Variants in AGK observed in about 807,000 individuals in gnomAD.
The protein encoded by AGK is acylglycerol kinase.
A neutral mutation model predicts 66.4 loss-of-function variants in AGK; 52 were observed. The observed-to-expected ratio is 0.78, with a 90% CI of 0.63 to 0.99. The LOEUF (loss-of-function observed/expected upper bound fraction) is 0.99. AGK is among the 50% of genes least tolerant of loss of function. The pLI is 0.00. For missense variants in AGK, 451 were observed against 506.6 expected, an observed-to-expected ratio of 0.89 and a Z score of 1.05; for synonymous variants, 182 against 181.1, an observed-to-expected ratio of 1.00 and a Z score of -0.04.
At position 141,653,189 on chromosome 7, in the gene AGK, G is replaced by A. The variant is rs886062022; in HGVS notation, c.*265G>A. 11 of 395,684 alleles carry A rather than the reference G, an allele frequency of 2.8e-5. No individual in the cohort carries two copies. The highest frequency in any genetic ancestry group is 1.4e-3 in the Middle Eastern group (2 of 1,452). The allele number at this position is 395,684 out of a possible 1,614,324, so 24.5% of individuals were successfully genotyped here. A position where few individuals can be genotyped will look rare whatever the true frequency, so the allele number is the denominator to read the frequency against. On this transcript the variant is annotated 3_prime_UTR_variant, in exon 16 of 16. Coordinates refer to ENST00000649286, the MANE Select transcript of AGK (RefSeq NM_018238.4). The stretch of plus-strand genomic sequence containing the variant: ...GACTTTCCTCAGGCTGGTTCAAGAC[G>A]GAAAAGGACTTTCTTCTGTTTTCTT...
At chr7:141,600,530 G>A (rs1032350460) in intron 4 of AGK, among the ~76,000 whole-genome samples, 5 of 152,028 alleles carry the variant, frequency 3.3e-5, no homozygotes, top group African/African-American at 1.2e-4. Flanking sequence ...TTATTCATTC[G>A]TTTGTGCATT....
rs951495935 is a variant in AGK, at chr7:141,654,165, G to A, written c.*1241G>A. On this transcript the variant is annotated 3_prime_UTR_variant, in exon 16 of 16. Coordinates refer to ENST00000649286, the MANE Select transcript of AGK (RefSeq NM_018238.4). ...TTTTTAGCTCTTGCTTTAAGTGTTT[G>A]TTTGTTATCTCAGTCCAGAACCAAT... The A allele has an allele frequency of 8.6e-5, 13 of 151,978 alleles. No individual in the cohort carries two copies. The highest frequency in any genetic ancestry group is 1.5e-5 in the Non-Finnish European group (1 of 67,982). The allele number at this position is 151,978 out of a possible 1,614,324, so 9.4% of individuals were successfully genotyped here. A position where few individuals can be genotyped will look rare whatever the true frequency, so the allele number is the denominator to read the frequency against.
intron 9 of AGK, among the ~76,000 whole-genome samples, chr7:141,628,134 C>A (rs2116987170): frequency 6.6e-6 from 1 of 152,318 alleles, no homozygotes; most frequent in Non-Finnish European, 1.5e-5. Flanking sequence ...CCCACCTCGG[C>A]CTCTCAAAGT....
chr7:141,612,078 G>A (rs965022296), intron 6 of AGK, among the ~76,000 whole-genome samples: 5 of 152,200 alleles, frequency 3.3e-5, no homozygotes, highest in African/African-American at 1.2e-4. Context: ...CAACCAAGAT[G>A]TCCTTTAGTA....
At chr7:141,638,901 A>G (rs1280275135) in intron 11 of AGK, among the ~76,000 whole-genome samples, 1 of 152,192 alleles carries the variant, frequency 6.6e-6, no homozygotes, top group Non-Finnish European at 1.5e-5. Flanking sequence ...GGACTAAAGA[A>G]ACAGATTCAA....
intron 2 of AGK, among the ~76,000 whole-genome samples, chr7:141,576,810 T>C (rs1795749687): frequency 6.6e-6 from 1 of 151,608 alleles, no homozygotes; most frequent in Admixed American, 6.6e-5. Context: ...GAGGCTGAGG[T>C]GGGCGGATCA....
chr7:141,649,840 C>G (rs1797513403), intron 14 of AGK, among the ~76,000 whole-genome samples: 1 of 151,878 alleles, frequency 6.6e-6, no homozygotes, highest in Non-Finnish European at 1.5e-5. Context: ...TCACCATGTC[C>G]TCCTATTCCC....
chr7:141,577,749 C>G (rs573812133), intron 2 of AGK, among the ~76,000 whole-genome samples: 10 of 152,064 alleles, frequency 6.6e-5, no homozygotes, highest in Non-Finnish European at 1.0e-4. Flanking sequence ...TCTCGGGGAC[C>G]CCTTAGTCTT....
At chr7:141,563,937 G>A (rs371910614) in intron 2 of AGK, among the ~76,000 whole-genome samples, 10 of 151,768 alleles carry the variant, frequency 6.6e-5, no homozygotes, top group African/African-American at 9.7e-5. Context: ...ATTTCCTCTC[G>A]TTTTCACAAC....
In AGK at chr7:141,650,533, C is replaced by T. The variant is rs762289111; in HGVS notation, c.1047-992C>T. 28 of 985,222 alleles carry T rather than the reference C, an allele frequency of 2.8e-5. No individual in the cohort carries two copies. In the South Asian group the frequency reaches 3.3e-4, roughly 12 times the overall value. 61.0% of individuals were successfully genotyped at this position (985,222 alleles called of 1,614,324 possible). A position where few individuals can be genotyped will look rare whatever the true frequency, so the allele number is the denominator to read the frequency against. On this transcript the variant is annotated intron_variant, in intron 14 of 15. Coordinates refer to ENST00000649286, the MANE Select transcript of AGK (RefSeq NM_018238.4). ...ATCTGAAGAGAACATAGTGAAGCTG[C>T]GTTAGAAAACTCTGATACCGTTTTG... is the stretch of plus-strand genomic sequence containing the variant.
chr7:141,583,143 CT>C (rs1185458933), intron 2 of AGK, among the ~76,000 whole-genome samples: 1 of 151,796 alleles, frequency 6.6e-6, no homozygotes, highest in Non-Finnish European at 1.5e-5. Flanking sequence ...CGTTTTCTGG[CT>C]TTTTGGAACC....
intron 7 of AGK, 91 bp from the exon 8 acceptor site, chr7:141,615,380 T>A (rs1382679140): frequency 1.0e-6 from 1 of 974,254 alleles, no homozygotes; most frequent in Non-Finnish European, 1.6e-6. Flanking sequence ...ACAGGGTCAG[T>A]TATTTGTCAT....
intron 8 of AGK, chr7:141,615,852 A>G (rs1253862163): frequency 1.3e-5 from 4 of 318,132 alleles, no homozygotes; most frequent in African/African-American, 2.1e-5. Flanking sequence ...GTGCTTGTAC[A>G]TTGTAAGATT....
chr7:141,568,067 C>G (rs141195415), intron 2 of AGK, among the ~76,000 whole-genome samples: 24 of 152,150 alleles, frequency 1.6e-4, no homozygotes, highest in Non-Finnish European at 3.1e-4. Flanking sequence ...CATACTCAGC[C>G]CTGTGGAAGT....
intron 2 of AGK, among the ~76,000 whole-genome samples, chr7:141,587,855 T>A (rs1469774903): frequency 6.6e-6 from 1 of 152,230 alleles, no homozygotes; most frequent in Non-Finnish European, 1.5e-5. Context: ...CACCAGCGTG[T>A]CCAAGACACC....
chr7:141,611,437 A>T, intron 6 of AGK, 150 bp downstream of exon 6: 1 of 495,870 alleles, frequency 2.0e-6, no homozygotes, highest in Non-Finnish European at 3.5e-6. Flanking sequence ...ATAGCTTTAA[A>T]TTTTTCTCCT....
chr7:141,632,096 T>TGGCGTGCA (rs1212336385), intron 9 of AGK, among the ~76,000 whole-genome samples: 1 of 151,990 alleles, frequency 6.6e-6, no homozygotes, highest in East Asian at 1.9e-4. Context: ...CTGGGCGTGG[T>TGGCGTGCA]GGCGTGCACC....
chr7:141,651,414 A>G (rs1797553650), intron 14 of AGK, 111 bp from the exon 15 acceptor site: 3 of 822,280 alleles, frequency 3.6e-6, no homozygotes, highest in African/African-American at 1.7e-5. Context: ...TTAATAGACC[A>G]TCTGTCCACT....
intron 13 of AGK, among the ~76,000 whole-genome samples, chr7:141,648,344 T>C (rs1054184772): frequency 3.3e-5 from 5 of 152,244 alleles, no homozygotes; most frequent in African/African-American, 1.2e-4. Flanking sequence ...TTTTGTTCAT[T>C]GGTGTAACCC....
Sources: gnomAD v4.1 joint callset for allele counts (sites outside exome capture counted in the v4.1 genomes callset) on GRCh38, gnomAD v4.1.1 for gene constraint, MANE v1.5 for transcripts, NCBI Gene and HGNC (gene_info 2026-07-23, HGNC 2026-07-21) for gene names.